CUBN: variants seen among roughly 807,000 people sequenced by gnomAD.
CUBN encodes cubilin.
CUBN carries 282 observed loss-of-function variants against 405.3 expected under a neutral mutation model. That is an observed-to-expected ratio of 0.70 (90% CI 0.63 to 0.77). CUBN has a LOEUF of 0.77. CUBN is among the 30% of genes least tolerant of loss of function. CUBN has a pLI of 0.00. For synonymous variants in CUBN, 1,684 were observed against 1,617.0 expected (o/e 1.04, Z -0.99); for missense variants, 4,514 against 4,475.2 (o/e 1.01, Z -0.25).
intron 50 of CUBN, among the ~76,000 whole-genome samples, chr10:16,905,749 C>A (rs1841536339): frequency 6.6e-6 from 1 of 152,106 alleles, no homozygotes. Context: ...GAACAGAGTT[C>A]TTTTGGATCG....
In CUBN at chr10:16,919,397, T is replaced by C. The variant is rs568294677; in HGVS notation, c.6821+566A>G. Among the ~76,000 whole-genome samples the C allele has an allele frequency of 2.0e-5, 3 of 152,376 alleles. No individual in the cohort carries two copies. The South Asian group carries it at 6.2e-4, about 32-fold the overall frequency. ...AGCTGCATTCATGCAAATGTATACA[T>C]ACTTTTGTTCAAGGAAAGAGAAAAA... On this transcript the variant is annotated intron_variant, in intron 44 of 66. Transcript: ENST00000377833.
chr10:16,913,777 G>T lies in CUBN; in HGVS notation c.7533+34C>A, dbSNP rs1451323215. 5 of 1,610,778 alleles carry T rather than the reference G, an allele frequency of 3.1e-6. No individual in the cohort carries two copies. In the South Asian group the frequency reaches 5.5e-5, roughly 18 times the overall value. On this transcript the variant is annotated intron_variant, in intron 48 of 66. Transcript: ENST00000377833. ...GGGTCGGTAAACTCTTTAAATGATG[G>T]AATATAACATCTCAGGCGGCAGGGA...
chr10:17,023,524 C>T (rs895498217), intron 27 of CUBN: 2 of 435,678 alleles, frequency 4.6e-6, no homozygotes, highest in Non-Finnish European at 9.4e-6. Flanking sequence ...CAAAAAGGAA[C>T]AGTCATTTTT....
chr10:16,981,016 G>A (rs984862983), intron 31 of CUBN, among the ~76,000 whole-genome samples: 4 of 152,076 alleles, frequency 2.6e-5, no homozygotes, highest in Non-Finnish European at 4.4e-5. Context: ...GCAGGAAAAT[G>A]CTTGGTAGAA....
At chr10:17,069,724 T>G (rs1375217644) in intron 19 of CUBN, among the ~76,000 whole-genome samples, 1 of 152,084 alleles carries the variant, frequency 6.6e-6, no homozygotes, top group Non-Finnish European at 1.5e-5. Flanking sequence ...TAAAATTTTT[T>G]GTAGAGATGG....
rs1263395215 is a variant in CUBN at position 16,949,941 on chromosome 10, C to T, written c.5080+60G>A. ...CCTAGAATGGCAGCCTATAAATATG[C>T]GGATCTATAAATAAAGCACAGCCAA... On this transcript the variant is annotated intron_variant, in intron 34 of 66. Coordinates refer to ENST00000377833, the MANE Select transcript of CUBN (RefSeq NM_001081.4). The T allele has an allele frequency of 1.3e-5, 16 of 1,237,096 alleles. No individual in the cohort carries two copies. In the South Asian group the frequency reaches 1.5e-4, roughly 12 times the overall value. 76.6% of individuals were successfully genotyped at this position (1,237,096 alleles called of 1,614,324 possible).
At chr10:17,051,540 G>A (rs1835267745) in intron 22 of CUBN, among the ~76,000 whole-genome samples, 1 of 151,916 alleles carries the variant, frequency 6.6e-6, no homozygotes, top group Non-Finnish European at 1.5e-5. Context: ...TATGTGCAAA[G>A]ACTTAAAGAA....
chr10:16,937,602 G>A lies in CUBN; in HGVS notation c.5916C>T (p.Thr1972=), dbSNP rs1401788545. 6.2e-7 allele frequency: 1 copy of A among 1,613,280 alleles called. No individual in the cohort carries two copies. Among genetic ancestry groups the A allele is most frequent in the Admixed American group, 1.7e-5 (1 of 60,004 alleles). ...AVDAPDGVLP[T]IAPGACGGFL... ...TATTACCAAACACACCTGGAGCAAT[G>A]GTAGGTAAAACACCATCAGGTGCAT... Residue 1972 remains threonine (T), a synonymous_variant, in exon 39 of 67, where the codon ACC becomes ACT. Transcript: ENST00000377833.
At chr10:16,952,167 G>C in intron 33 of CUBN, 109 bp downstream of exon 33, 2 of 779,316 alleles carry the variant, frequency 2.6e-6, no homozygotes, top group Non-Finnish European at 4.6e-6. Flanking sequence ...AAGATGAAGA[G>C]GAAGGCCATC....
At chr10:17,050,450 T>C (rs1564494695) in intron 22 of CUBN, among the ~76,000 whole-genome samples, 1 of 152,158 alleles carries the variant, frequency 6.6e-6, no homozygotes, top group Non-Finnish European at 1.5e-5. Context: ...AGATTAGAGT[T>C]GCCAAAGCAG....
intron 39 of CUBN, among the ~76,000 whole-genome samples, chr10:16,934,383 C>G (rs1842441745): frequency 6.6e-6 from 1 of 152,164 alleles, no homozygotes; most frequent in Admixed American, 6.5e-5. Context: ...ATGTTTGAAT[C>G]TTATCAGGGC....
At chr10:16,953,684 A>G (rs1842975960) in intron 32 of CUBN, among the ~76,000 whole-genome samples, 1 of 151,990 alleles carries the variant, frequency 6.6e-6, no homozygotes, top group South Asian at 2.1e-4. Flanking sequence ...AGCAGATCCC[A>G]TCTCTAAAAA....
chr10:16,895,342 CACACACACACACACACATATATAT>C (rs1380548485), intron 54 of CUBN, among the ~76,000 whole-genome samples: 6,224 of 135,310 alleles, frequency 0.046, 387 homozygotes, highest in African/African-American at 0.14. Context: ...TATTTATACA[CACACACACACACACACATATATAT>C]ACACACACAC....
chr10:17,107,411 A>T (rs921475870), intron 10 of CUBN, among the ~76,000 whole-genome samples: 2 of 152,094 alleles, frequency 1.3e-5, no homozygotes, highest in Non-Finnish European at 2.9e-5. Context: ...GGATAGAAAA[A>T]CCCTGCTGAA....
intron 22 of CUBN, among the ~76,000 whole-genome samples, chr10:17,050,129 T>C (rs1835229792): frequency 6.6e-6 from 1 of 152,192 alleles, no homozygotes; most frequent in Non-Finnish European, 1.5e-5. Flanking sequence ...GACTTCTATT[T>C]TTCTCACCTC....
At chr10:17,098,910 G>A (rs999617675) in intron 14 of CUBN, among the ~76,000 whole-genome samples, 5 of 152,106 alleles carry the variant, frequency 3.3e-5, no homozygotes, top group South Asian at 4.1e-4. Context: ...TAAATGAAAA[G>A]AGAACTAAAT....
chr10:16,932,018 A>G (rs947556506), intron 40 of CUBN, among the ~76,000 whole-genome samples: 3 of 152,228 alleles, frequency 2.0e-5, no homozygotes, highest in Admixed American at 6.5e-5. Flanking sequence ...GAAGGCTTAG[A>G]TGTGAAGAGG....
At position 17,114,028 on chromosome 10, in the gene CUBN, TG is replaced by T. The variant is rs1836827249; in HGVS notation, c.881del (p.Thr294LysfsTer18). ...TGGCTTGTGGCCCTGAGAATGTACCTGTTGGACAGGCCCCACAGTAGAAAGA... is the reference window on the plus strand; with the variant it reads ...TGGCTTGTGGCCCTGAGAATGTACCTTTGGACAGGCCCCACAGTAGAAAGA... Reference protein sequence around the residue: ...QGSFYCGACPTGWQGNGYICE... With the variant: ...QGSFYCGACPXGWQGNGYICE... On this transcript the variant is annotated frameshift_variant and splice_region_variant, in exon 8 of 67. Transcript: ENST00000377833. LOFTEE classifies it high-confidence loss of function. 6.2e-7 allele frequency: 1 copy of T among 1,612,224 alleles called. No individual in the cohort carries two copies. The highest frequency in any genetic ancestry group is 1.1e-5 in the South Asian group (1 of 90,522).
chr10:17,116,753 GC>G (rs1273314715), intron 6 of CUBN, among the ~76,000 whole-genome samples: 3 of 152,170 alleles, frequency 2.0e-5, no homozygotes, highest in Non-Finnish European at 4.4e-5. Context: ...CCTGTGGTGG[GC>G]CCCAGAACCA....
Sources: gnomAD v4.1 joint callset for allele counts (sites outside exome capture counted in the v4.1 genomes callset) on GRCh38, gnomAD v4.1.1 for gene constraint, MANE v1.5 for transcripts, NCBI Gene and HGNC (gene_info 2026-07-23, HGNC 2026-07-21) for gene names.